The following DDX39B variants were observed in gnomAD, a reference collection of about 807,000 sequenced individuals.
DDX39B encodes the protein spliceosome RNA helicase DDX39B.
A neutral mutation model predicts 46.4 loss-of-function variants in DDX39B; 6 were observed. That is an observed-to-expected ratio of 0.13 (90% CI 0.07 to 0.26). The LOEUF is 0.26. Among genes scored for constraint, DDX39B ranks in the 10% least tolerant of loss-of-function variants. The pLI, the probability that DDX39B is intolerant of heterozygous loss-of-function variation, is 1.00. For missense variants in DDX39B, 185 were observed against 553.4 expected, an observed-to-expected ratio of 0.33 and a Z score of 6.68; for synonymous variants, 174 against 199.4, an observed-to-expected ratio of 0.87 and a Z score of 1.07.
intron 2 of DDX39B, 92 bp downstream of exon 2, chr6:31,540,230 A>G: frequency 7.2e-7 from 1 of 1,394,108 alleles, no homozygotes; most frequent in Non-Finnish European, 1.0e-6. Context: ...TTAAGTATAA[A>G]CCCTTACCAC....
rs1289855007 is a variant in DDX39B at position 31,532,524 on chromosome 6, G to A, written c.867+256C>T. On this transcript the variant is annotated intron_variant, in intron 7 of 10. Transcript: ENST00000396172. ...CCAAGTGCTGGGATTACACACATAA[G>A]CCACCGTGCCTGGCCAAGGATCTTA... 1.6e-5 allele frequency: 6 copies of A among 383,992 alleles called. No individual in the cohort carries two copies. The South Asian group carries it at 1.7e-4, about 11-fold the overall frequency. 23.8% of individuals were successfully genotyped at this position (383,992 alleles called of 1,614,324 possible). A position where few individuals can be genotyped will look rare whatever the true frequency, so the allele number is the denominator to read the frequency against.
intron 1 of DDX39B, chr6:31,541,649 C>A (rs1036653061): frequency 2.1e-6 from 1 of 487,060 alleles, no homozygotes. Flanking sequence ...CCAAGGGACG[C>A]CGAGCGCCGC....
intron 1 of DDX39B, chr6:31,541,709 G>A (rs748638716): frequency 3.7e-5 from 21 of 562,680 alleles, no homozygotes; most frequent in Middle Eastern, 2.7e-4. Flanking sequence ...ATTGGAAGAA[G>A]GGAGCAAAAC....
chr6:31,540,662 G>C lies in DDX39B; in HGVS notation c.-130C>G, dbSNP rs1195080559. 3.9e-6 allele frequency: 3 copies of C among 770,418 alleles called. No homozygotes were observed. The highest frequency in any genetic ancestry group is 5.9e-6 in the Non-Finnish European group (3 of 512,194). The allele number at this position is 770,418 out of a possible 1,614,324, so 47.7% of individuals were successfully genotyped here. On this transcript the variant is annotated splice_region_variant and 5_prime_UTR_variant, in exon 2 of 11. Coordinates refer to ENST00000396172, the MANE Select transcript of DDX39B (RefSeq NM_004640.7). ...AACAAAGATACTATTTCTAACAGAA[G>C]AGCTGGAGGGGGGAAAAAAAAAAGC... is the stretch of plus-strand genomic sequence containing the variant.
At chr6:31,532,938 C>T (rs1039093889) in intron 6 of DDX39B, 27 bp from the exon 7 acceptor site, 2 of 456,918 alleles carry the variant, frequency 4.4e-6, no homozygotes, top group Admixed American at 8.1e-5. Context: ...GGGTGGGGAA[C>T]GGGAGGAGGG....
rs1328515911 is a variant in DDX39B, at chr6:31,534,488, T to G, written c.735+879A>C. 1 of 470,818 alleles carries G rather than the reference T, an allele frequency of 2.1e-6. No homozygotes were observed. The highest frequency in any genetic ancestry group is 2.0e-5 in the African/African-American group (1 of 49,978). 29.2% of individuals were successfully genotyped at this position (470,818 alleles called of 1,614,324 possible). On this transcript the variant is annotated intron_variant, in intron 6 of 10. Coordinates refer to ENST00000396172, the MANE Select transcript of DDX39B (RefSeq NM_004640.7). The surrounding 1 kb of genome is among the most constrained non-coding windows in gnomAD (Gnocchi z 5.1). ...CCACCCGATTACATCCACTTTACCT[T>G]TCCTATGTCCCTCTCCTCTGAGTAT...
Position 31,540,443 on chromosome 6 carries a change from A to G in DDX39B, c.90T>C (p.Pro30=), listed in dbSNP as rs1343180022. 1 of 1,614,196 alleles carries G rather than the reference A, an allele frequency of 6.2e-7. No individual in the cohort carries two copies. The highest frequency in any genetic ancestry group is 1.1e-5 in the South Asian group (1 of 91,078). Residue 30 remains proline (P), a synonymous_variant, in exon 2 of 11, where the codon CCT becomes CCC. Coordinates refer to ENST00000396172, the MANE Select transcript of DDX39B (RefSeq NM_004640.7). ...AGGAGCCCTTGACATCCTTCTTGGC[A>G]GGGGCCTCAGCCCCATCTCCCCCAG... ...TAAGGDGAEA[P]AKKDVKGSYV...
chr6:31,531,222 C>T lies in DDX39B; in HGVS notation c.978-25G>A, dbSNP rs1767118608. 3 of 1,614,108 alleles carry T rather than the reference C, an allele frequency of 1.9e-6. No individual in the cohort carries two copies. The highest frequency in any genetic ancestry group is 2.5e-6 in the Non-Finnish European group (3 of 1,179,964). ...CCTTTGTGAGAAAGGAAATTTAAAA[C>T]ATGTTGAGATTCCCTTCTCTCAACT... On this transcript the variant is annotated intron_variant, in intron 8 of 10. Transcript: ENST00000396172. The surrounding 1 kb of genome is among the most constrained non-coding windows in gnomAD (Gnocchi z 5.8).
intron 4 of DDX39B, among the ~76,000 whole-genome samples, chr6:31,538,022 C>T (rs1582956279): frequency 1.3e-5 from 2 of 151,966 alleles, no homozygotes; most frequent in South Asian, 2.1e-4. Context: ...AGGGACACAG[C>T]GAGACTCCAT....
chr6:31,541,615 C>G (rs923265876), intron 1 of DDX39B: 2 of 476,684 alleles, frequency 4.2e-6, no homozygotes, highest in African/African-American at 4.0e-5. Flanking sequence ...GTGAGAAGAG[C>G]CCCGCCCTCC....
At position 31,535,326 on chromosome 6, in the gene DDX39B, C is replaced by T. The variant is rs746837434; in HGVS notation, c.735+41G>A. On this transcript the variant is annotated intron_variant, in intron 6 of 10. Transcript: ENST00000396172. The surrounding 1 kb of genome is among the most constrained non-coding windows in gnomAD (Gnocchi z 4.6). ...GAGGGCGAGGAAGGGGAGGAGGCAGCGGGCGGGGAGTGGAGGGAGAGAAGG... is the reference window on the plus strand; with the variant it reads ...GAGGGCGAGGAAGGGGAGGAGGCAGTGGGCGGGGAGTGGAGGGAGAGAAGG... 2.5e-5 allele frequency: 40 copies of T among 1,577,576 alleles called. No individual in the cohort carries two copies. The highest frequency in any genetic ancestry group is 6.6e-5 in the South Asian group (6 of 90,330).
At chr6:31,541,513 C>T in intron 1 of DDX39B, 1 of 399,690 alleles carries the variant, frequency 2.5e-6, no homozygotes, top group South Asian at 1.9e-5. Context: ...TTGGGCAAGT[C>T]AAGGTGAGAA....
intron 7 of DDX39B, chr6:31,532,446 C>T: frequency 4.4e-6 from 1 of 227,786 alleles, no homozygotes; most frequent in Non-Finnish European, 9.0e-6. Flanking sequence ...CGCCATGTTG[C>T]CCCGACTGGT....
intron 4 of DDX39B, 58 bp downstream of exon 4, chr6:31,538,705 T>G: frequency 6.7e-7 from 1 of 1,490,142 alleles, no homozygotes; most frequent in Non-Finnish European, 9.1e-7. Flanking sequence ...GGCCTACAAG[T>G]TTCTTATCCC....
At chr6:31,536,351 T>C (rs1200263757) in intron 5 of DDX39B, 149 bp downstream of exon 5, 1 of 1,162,750 alleles carries the variant, frequency 8.6e-7, no homozygotes, top group Admixed American at 1.7e-5. Flanking sequence ...AAAAGCATAA[T>C]AAAGACCAAC....
Position 31,541,208 on chromosome 6 carries a change from C to T in DDX39B, c.-132-544G>A, listed in dbSNP as rs755792382. ...GTCCACCTCCCATAGCTCTCAGCCT[C>T]CCACTTCTCAGTATCCTCCCTTCCG... On this transcript the variant is annotated intron_variant, in intron 1 of 10. Coordinates refer to ENST00000396172, the MANE Select transcript of DDX39B (RefSeq NM_004640.7). The T allele has an allele frequency of 7.5e-6, 4 of 533,536 alleles. No homozygotes were observed. In the Admixed American group the frequency reaches 7.8e-5, roughly 10 times the overall value. 33.1% of individuals were successfully genotyped at this position (533,536 alleles called of 1,614,324 possible). A position where few individuals can be genotyped will look rare whatever the true frequency, so the allele number is the denominator to read the frequency against.
Position 31,530,537 on chromosome 6 carries a change from G to GTAC in DDX39B, c.1271-90_1271-88dup. 6 of 1,567,912 alleles carry GTAC rather than the reference G, an allele frequency of 3.8e-6. No homozygotes were observed. On this transcript the variant is annotated intron_variant, in intron 10 of 10. Transcript: ENST00000396172. The surrounding 1 kb of genome is among the most constrained non-coding windows in gnomAD (Gnocchi z 4.5). ...ACACGGCACACATGCAGACACTGGT[G>GTAC]TACTGCCTGGGTTCAGAGGACGGAC...
At chr6:31,532,706 T>C in intron 7 of DDX39B, 74 bp downstream of exon 7, 1 of 1,551,248 alleles carries the variant, frequency 6.4e-7, no homozygotes, top group Non-Finnish European at 8.8e-7. Flanking sequence ...TCAATAAAAG[T>C]GTACTTAATA....
At chr6:31,536,745 GT>G in intron 4 of DDX39B, 62 bp from the exon 5 acceptor site, 1 of 1,567,872 alleles carries the variant, frequency 6.4e-7, no homozygotes, top group Non-Finnish European at 8.6e-7. Flanking sequence ...TCCCCCCAGG[GT>G]TCCCACTCTG....
Sources: gnomAD v4.1 joint callset for allele counts (sites outside exome capture counted in the v4.1 genomes callset) on GRCh38, gnomAD v4.1.1 for gene constraint, Gnocchi (gnomAD v3.1) non-coding constraint, MANE v1.5 for transcripts, NCBI Gene and HGNC (gene_info 2026-07-23, HGNC 2026-07-21) for gene names.